The following PDE4D variants were observed in gnomAD, a reference collection of about 807,000 sequenced individuals.
The protein encoded by PDE4D is phosphodiesterase 4D, also known as 3',5'-cyclic-AMP phosphodiesterase 4D.
PDE4D carries 24 observed loss-of-function variants against 87.4 expected under a neutral mutation model. The observed-to-expected ratio is 0.27, with a 90% CI of 0.20 to 0.39. The LOEUF (loss-of-function observed/expected upper bound fraction) is 0.39. Ranked by LOEUF, PDE4D falls within the 10% of genes least tolerant of loss-of-function variation. The probability of loss-of-function intolerance (pLI) is 1.00; values close to 1 mark genes in which losing one functional copy is unlikely to be tolerated. For missense variants in PDE4D, 714 were observed against 1,041.0 expected, an observed-to-expected ratio of 0.69 and a Z score of 4.32; for synonymous variants, 384 against 383.2, an observed-to-expected ratio of 1.00 and a Z score of -0.02.
chr5:60,423,472 A>G (rs1468891637), intron 1 of PDE4D, among the ~76,000 whole-genome samples: 1 of 152,234 alleles, frequency 6.6e-6, no homozygotes, highest in Admixed American at 6.5e-5. Context: ...TGAAGGCAAA[A>G]ATAAAGATGT....
At chr5:60,512,708 C>T (rs367629131) in intron 1 of PDE4D, among the ~76,000 whole-genome samples, 2 of 152,110 alleles carry the variant, frequency 1.3e-5, no homozygotes, top group East Asian at 3.9e-4. Context: ...AAAATAAAGA[C>T]ATTTTCAGAA....
intron 2 of PDE4D, among the ~76,000 whole-genome samples, chr5:60,075,603 T>C (rs1605730): frequency 0.29 from 43,890 of 152,132 alleles, 7,185 homozygotes; most frequent in East Asian, 0.74. Context: ...AAATATGTTT[T>C]CCAAGTTTCT....
chr5:60,386,743 T>A lies in PDE4D; in HGVS notation c.-90+101199A>T, dbSNP rs140928455. Among the ~76,000 whole-genome samples the A allele has an allele frequency of 2.4e-4, 37 of 152,238 alleles. 2 individuals are homozygous for A. The East Asian group carries it at 3.9e-3, about 16-fold the overall frequency. ...GGAACTTCCTGGAGACAAAAGAGGA[T>A]GAAAAAGGAGAAAGAAGTAATGAAC... On this transcript the variant is annotated intron_variant, in intron 1 of 16. Coordinates refer to the PDE4D transcript ENST00000502484.
intron 2 of PDE4D, among the ~76,000 whole-genome samples, chr5:60,073,815 C>T (rs1291079748): frequency 6.6e-6 from 1 of 151,930 alleles, no homozygotes; most frequent in Non-Finnish European, 1.5e-5. Flanking sequence ...GTGCATAGTA[C>T]ACAAACCATC....
intron 1 of PDE4D, among the ~76,000 whole-genome samples, chr5:59,451,912 G>A (rs1330599580): frequency 6.6e-6 from 1 of 151,866 alleles, no homozygotes; most frequent in African/African-American, 2.4e-5. Context: ...CATTCCAGTT[G>A]TCTACATCTT....
At chr5:59,290,004 C>T (rs6875884) in intron 1 of PDE4D, among the ~76,000 whole-genome samples, 57 of 151,632 alleles carry the variant, frequency 3.8e-4, no homozygotes, top group African/African-American at 1.3e-3. Context: ...CTATCAAATA[C>T]TAATGGAAAA....
intron 2 of PDE4D, among the ~76,000 whole-genome samples, chr5:60,079,078 T>A (rs1241680167): frequency 2.0e-5 from 3 of 152,164 alleles, no homozygotes; most frequent in African/African-American, 7.2e-5. Flanking sequence ...TAATTGTCGT[T>A]CTGATTGGCA....
chr5:59,570,983 T>C (rs1049201452), intron 1 of PDE4D, among the ~76,000 whole-genome samples: 1 of 152,230 alleles, frequency 6.6e-6, no homozygotes, highest in Non-Finnish European at 1.5e-5. Context: ...CTGTGTATTT[T>C]ACATACTAAT....
chr5:59,169,553 A>C (rs1782439273), intron 5 of PDE4D, among the ~76,000 whole-genome samples: 2 of 152,228 alleles, frequency 1.3e-5, no homozygotes. Context: ...TGACGAAGTC[A>C]GCACAGATAA....
chr5:60,201,736 T>C (rs1283609327), intron 1 of PDE4D, among the ~76,000 whole-genome samples: 1 of 152,158 alleles, frequency 6.6e-6, no homozygotes, highest in Non-Finnish European at 1.5e-5. Context: ...TGTAAATATA[T>C]CCAGAACATT....
At chr5:60,235,560 C>T (rs921148939) in intron 1 of PDE4D, among the ~76,000 whole-genome samples, 1 of 151,642 alleles carries the variant, frequency 6.6e-6, no homozygotes, top group African/African-American at 2.4e-5. Context: ...ACTCTAAACT[C>T]AACAATGAGA....
intron 1 of PDE4D, among the ~76,000 whole-genome samples, chr5:59,616,152 A>C (rs1226505921): frequency 4.0e-5 from 6 of 150,900 alleles, no homozygotes; most frequent in African/African-American, 1.2e-4. Context: ...CTGGTGTGTG[A>C]TGTTCCCCTT....
At chr5:60,451,015 T>C (rs1376141249) in intron 1 of PDE4D, among the ~76,000 whole-genome samples, 1 of 152,056 alleles carries the variant, frequency 6.6e-6, no homozygotes, top group African/African-American at 2.4e-5. Flanking sequence ...ATAGAACTTA[T>C]AATCTTCAAA....
chr5:59,359,058 G>C (rs1009767425), intron 1 of PDE4D, among the ~76,000 whole-genome samples: 7 of 152,148 alleles, frequency 4.6e-5, no homozygotes, highest in Non-Finnish European at 1.0e-4. Flanking sequence ...CCTTTTTAAA[G>C]GGATATTCAA....
At chr5:60,157,927 T>G (rs1234762510) in intron 2 of PDE4D, among the ~76,000 whole-genome samples, 1 of 151,062 alleles carries the variant, frequency 6.6e-6, no homozygotes, top group Non-Finnish European at 1.5e-5. Flanking sequence ...CTTCCTTCCC[T>G]CTCTTTCTCA....
chr5:60,016,354 G>T (rs1765522916), intron 2 of PDE4D, among the ~76,000 whole-genome samples: 1 of 152,122 alleles, frequency 6.6e-6, no homozygotes, highest in Non-Finnish European at 1.5e-5. Context: ...GCTGACAGAG[G>T]GTCTTGCCTA....
chr5:60,421,287 C>T (rs954090003), intron 1 of PDE4D, among the ~76,000 whole-genome samples: 2 of 152,172 alleles, frequency 1.3e-5, no homozygotes, highest in African/African-American at 2.4e-5. Context: ...CCAGTAGGGG[C>T]TGACAGACAT....
chr5:59,452,068 ATTCT>A lies in PDE4D; in HGVS notation c.456-236104_456-236101del, dbSNP rs532444742. ...AAAACATTGAGATTTTTTGTTTGTG[ATTCT>A]TTTTTTTAGTTCATCAGCTATTGTT... is the stretch of plus-strand genomic sequence containing the variant. On this transcript the variant is annotated intron_variant, in intron 1 of 14. Coordinates refer to ENST00000340635, the MANE Select transcript of PDE4D (RefSeq NM_001104631.2). 3.7e-3 allele frequency among the ~76,000 whole-genome samples: 568 copies of A among 152,190 alleles called. 2 individuals carry two copies. Among genetic ancestry groups the A allele is most frequent in the Non-Finnish European group, 5.0e-3 (338 of 68,004 alleles).
chr5:60,360,001 A>C (rs1392336450), intron 1 of PDE4D, among the ~76,000 whole-genome samples: 1 of 152,192 alleles, frequency 6.6e-6, no homozygotes, highest in East Asian at 1.9e-4. Context: ...AGTGCTAAGC[A>C]CTTTGAAAAC....
Sources: allele counts gnomAD v4.1 joint callset (sites outside exome capture counted in the v4.1 genomes callset), GRCh38; gene constraint gnomAD v4.1.1; transcripts MANE v1.5; gene names NCBI Gene and HGNC (gene_info 2026-07-23, HGNC 2026-07-21).